The following CREB5 variants were observed in gnomAD, a reference collection of about 807,000 sequenced individuals.
CREB5 encodes cyclic AMP-responsive element-binding protein 5.
Under a neutral mutation model 57.1 loss-of-function variants are expected in CREB5, and 19 were observed. The ratio of observed to expected loss-of-function variants is 0.33; its 90% CI spans 0.23 to 0.49. CREB5 has a LOEUF of 0.49. Ranked by LOEUF, CREB5 falls within the 20% of genes least tolerant of loss-of-function variation. The pLI is 0.99. For synonymous variants in CREB5, 238 were observed against 238.3 expected (o/e 1.00, Z 0.01); for missense variants, 579 against 671.6 (o/e 0.86, Z 1.52).
At chr7:28,684,824 T>TGGAAGGAA (rs1453313985) in intron 5 of CREB5, among the ~76,000 whole-genome samples, 3 of 152,242 alleles carry the variant, frequency 2.0e-5, no homozygotes, top group Non-Finnish European at 4.4e-5. Flanking sequence ...ATTTTCATGT[T>TGGAAGGAA]ACTTTTTTCT....
At chr7:28,755,575 C>T (rs187734040) in intron 7 of CREB5, among the ~76,000 whole-genome samples, 20 of 152,144 alleles carry the variant, frequency 1.3e-4, no homozygotes, top group African/African-American at 3.9e-4. Context: ...GGGAGGGACA[C>T]GATGAAATCA....
intron 7 of CREB5, among the ~76,000 whole-genome samples, chr7:28,742,337 C>T (rs1269832593): frequency 2.0e-4 from 31 of 152,038 alleles, no homozygotes; most frequent in African/African-American, 6.5e-4. Context: ...GAGGCCGAGG[C>T]GGGCAGATCA....
At chr7:28,313,326 T>C (rs943818910) in intron 1 of CREB5, among the ~76,000 whole-genome samples, 3 of 152,230 alleles carry the variant, frequency 2.0e-5, no homozygotes, top group African/African-American at 7.2e-5. Context: ...CCTTCTCATA[T>C]GAACCTGAAA....
intron 5 of CREB5, among the ~76,000 whole-genome samples, chr7:28,620,182 A>G (rs1797741024): frequency 6.6e-6 from 1 of 152,210 alleles, no homozygotes; most frequent in Admixed American, 6.5e-5. Flanking sequence ...TTCTTCTAGA[A>G]AAACTCAGAA....
intron 3 of CREB5, among the ~76,000 whole-genome samples, chr7:28,505,341 G>A (rs541266631): frequency 1.3e-5 from 2 of 152,144 alleles, no homozygotes; most frequent in African/African-American, 2.4e-5. Context: ...TGACCTGTTA[G>A]TATCAAACTT....
intron 5 of CREB5, among the ~76,000 whole-genome samples, chr7:28,693,536 A>G (rs59099903): frequency 0.019 from 2,916 of 151,790 alleles, 98 homozygotes; most frequent in African/African-American, 0.066. Flanking sequence ...AAAAAAAAAG[A>G]AAAAAAATGT....
chr7:28,561,403 G>A (rs1441943061), intron 4 of CREB5, among the ~76,000 whole-genome samples: 1 of 152,180 alleles, frequency 6.6e-6, no homozygotes, highest in African/African-American at 2.4e-5. Context: ...ATACTATCTG[G>A]TGTTAGCATT....
intron 7 of CREB5, among the ~76,000 whole-genome samples, chr7:28,785,300 G>A (rs1337378512): frequency 2.0e-5 from 3 of 152,130 alleles, no homozygotes; most frequent in African/African-American, 2.4e-5. Context: ...ATAGGATGTC[G>A]CCTTGTGTAA....
intron 1 of CREB5, among the ~76,000 whole-genome samples, chr7:28,452,799 C>T (rs111847852): frequency 0.027 from 4,104 of 152,284 alleles, 186 homozygotes; most frequent in African/African-American, 0.092. Flanking sequence ...AGGGAAAAGG[C>T]CTGGGGGACT....
rs542174016 is a variant in CREB5, at chr7:28,733,035, C to T, written c.702+8703C>T. On this transcript the variant is annotated intron_variant, in intron 7 of 10. Transcript: ENST00000357727. The stretch of plus-strand genomic sequence containing the variant: ...ATTAGCTTCACAGGATACTTAGGTC[C>T]CAGACAATAAAGGCATGCCTCAATT... Among the ~76,000 whole-genome samples, 11 of 151,978 alleles carry T rather than the reference C, an allele frequency of 7.2e-5. No individual in the cohort carries two copies. In the South Asian group the frequency reaches 2.1e-3, roughly 29 times the overall value.
chr7:28,344,731 AAAG>A (rs1786006496), intron 1 of CREB5, among the ~76,000 whole-genome samples: 1 of 152,190 alleles, frequency 6.6e-6, no homozygotes, highest in Non-Finnish European at 1.5e-5. Flanking sequence ...TTAAAAAAAA[AAAG>A]ACAAGATCCA....
chr7:28,315,240 T>C lies in CREB5; in HGVS notation c.-25+15799T>C, dbSNP rs150354699. On this transcript the variant is annotated intron_variant, in intron 1 of 9. Transcript: ENST00000396299. ...CCACCAACAGGGACTACAGCACAAA[T>C]CCTTCCCACATAAGCTGGCATTCCT... Among the ~76,000 whole-genome samples the C allele has an allele frequency of 5.3e-5, 8 of 152,350 alleles. 1 individual carries two copies. Among genetic ancestry groups the C allele is most frequent in the African/African-American group, 1.9e-4 (8 of 41,588 alleles).
intron 1 of CREB5, among the ~76,000 whole-genome samples, chr7:28,402,848 T>C (rs1461066559): frequency 6.6e-6 from 1 of 152,198 alleles, no homozygotes; most frequent in Admixed American, 6.5e-5. Context: ...CTAAAGAGCT[T>C]CTGCACAGCA....
chr7:28,804,668 G>T, intron 8 of CREB5, 146 bp downstream of exon 8: 3 of 1,003,254 alleles, frequency 3.0e-6, no homozygotes, highest in South Asian at 3.0e-5. Context: ...TCTCCTAGGA[G>T]GCAAGCCTTA....
intron 2 of CREB5, among the ~76,000 whole-genome samples, chr7:28,493,479 T>C (rs1791892823): frequency 6.6e-6 from 1 of 152,226 alleles, no homozygotes; most frequent in South Asian, 2.1e-4. Context: ...AAGTTCTTCA[T>C]AATCCTTTAG....
At chr7:28,779,808 A>G (rs745372309) in intron 7 of CREB5, among the ~76,000 whole-genome samples, 5 of 152,186 alleles carry the variant, frequency 3.3e-5, no homozygotes, top group Non-Finnish European at 7.3e-5. Flanking sequence ...TGTGATTGCA[A>G]TCACATAAAA....
chr7:28,783,746 G>A (rs1019145404), intron 7 of CREB5, among the ~76,000 whole-genome samples: 4 of 152,002 alleles, frequency 2.6e-5, no homozygotes, highest in African/African-American at 9.7e-5. Flanking sequence ...TGGTAAAATG[G>A]GCCCAAACCT....
chr7:28,372,574 A>G (rs991133768), intron 1 of CREB5, among the ~76,000 whole-genome samples: 1 of 152,254 alleles, frequency 6.6e-6, no homozygotes, highest in Non-Finnish European at 1.5e-5. Flanking sequence ...TATGATGCTT[A>G]TATTTAACTG....
chr7:28,362,660 T>A lies in CREB5; in HGVS notation c.-25+63219T>A, dbSNP rs73293288. ...TTTTCCAAGTTTAGATTGAATTGTA[T>A]GAGCTGTAATTAATAGGTATTTGTA... is the stretch of plus-strand genomic sequence containing the variant. On this transcript the variant is annotated intron_variant, in intron 1 of 9. Coordinates refer to the CREB5 transcript ENST00000396299. 3.2e-3 allele frequency among the ~76,000 whole-genome samples: 489 copies of A among 152,364 alleles called. 3 individuals carry two copies. The highest frequency in any genetic ancestry group is 0.011 in the African/African-American group (463 of 41,596).
Sources: gnomAD v4.1 joint callset for allele counts (sites outside exome capture counted in the v4.1 genomes callset) on GRCh38, gnomAD v4.1.1 for gene constraint, MANE v1.5 for transcripts, NCBI Gene and HGNC (gene_info 2026-07-23, HGNC 2026-07-21) for gene names.